Variants in COL9A1 observed in about 807,000 individuals in gnomAD.
The protein encoded by COL9A1 is collagen type IX alpha 1 chain, also known as collagen alpha-1(IX) chain.
COL9A1 carries 104 observed loss-of-function variants against 142.6 expected under a neutral mutation model. The observed-to-expected ratio is 0.73, with a 90% CI of 0.62 to 0.86. The LOEUF is 0.86. Among genes scored for constraint, COL9A1 ranks in the 40% least tolerant of loss-of-function variants. COL9A1 has a pLI of 0.00. For missense variants in COL9A1, 1,210 were observed against 1,176.6 expected (o/e 1.03, Z -0.42); for synonymous variants, 466 against 396.0 (o/e 1.18, Z -2.10).
At chr6:70,234,299 C>A (rs796466694) in intron 35 of COL9A1, among the ~76,000 whole-genome samples, 170 of 131,978 alleles carry the variant, frequency 1.3e-3, no homozygotes, top group Middle Eastern at 7.7e-3. Flanking sequence ...AAAAACAAAA[C>A]AAAACAAAAA....
intron 4 of COL9A1, among the ~76,000 whole-genome samples, chr6:70,299,677 TCTA>T (rs1193301265): frequency 6.6e-6 from 1 of 152,182 alleles, no homozygotes; most frequent in Non-Finnish European, 1.5e-5. Context: ...TTGTGAGTCT[TCTA>T]ACCACTCTGT....
At chr6:70,284,279 GA>G (rs919114176) in intron 5 of COL9A1, among the ~76,000 whole-genome samples, 41 of 149,606 alleles carry the variant, frequency 2.7e-4, no homozygotes, top group Non-Finnish European at 4.9e-4. Context: ...ATTAGAGACA[GA>G]AAAAAAAAGT....
At chr6:70,283,056 C>G (rs1188282293) in intron 6 of COL9A1, 138 bp from the exon 7 acceptor site, 8 of 1,547,182 alleles carry the variant, frequency 5.2e-6, no homozygotes, top group Non-Finnish European at 7.0e-6. Flanking sequence ...AGGCCATGCC[C>G]GCCGCCCGCC....
chr6:70,271,556 G>T, intron 14 of COL9A1, 99 bp downstream of exon 14: 1 of 1,000,276 alleles, frequency 1.0e-6, no homozygotes. Context: ...CCATGTTTTG[G>T]TTTGCAAGTG....
In COL9A1 at chr6:70,270,263, T is replaced by G. The variant is rs774831719; in HGVS notation, c.1197+51A>C. The G allele has an allele frequency of 3.2e-6, 5 of 1,569,276 alleles. No homozygotes were observed. The Admixed American group carries it at 8.4e-5, about 26-fold the overall frequency. ...TCCATTTTGGATTCTTAGATTTTTT[T>G]CAACCCTGACTCTCAGACACAAACA... On this transcript the variant is annotated intron_variant, in intron 15 of 37. Coordinates refer to ENST00000357250, the MANE Select transcript of COL9A1 (RefSeq NM_001851.6).
chr6:70,302,851 T>A (rs1179259883), intron 1 of COL9A1, 60 bp downstream of exon 1: 6 of 1,582,242 alleles, frequency 3.8e-6, no homozygotes, highest in Non-Finnish European at 5.2e-6. Flanking sequence ...ATACAGACCC[T>A]TGGTTCTGAG....
intron 20 of COL9A1, among the ~76,000 whole-genome samples, chr6:70,257,048 A>AATTTTTTTTTTTTTTTTTTTTT (rs1562307548): frequency 9.5e-6 from 1 of 105,018 alleles, no homozygotes; most frequent in African/African-American, 3.9e-5. Flanking sequence ...CCACTCTGTA[A>AATTTTTTTTTTTTTTTTTTTTT]TTTTTTTTTT....
At chr6:70,271,634 A>G (rs2127590728) in intron 14 of COL9A1, 21 bp downstream of exon 14, 1 of 1,611,262 alleles carries the variant, frequency 6.2e-7, no homozygotes, top group Non-Finnish European at 8.5e-7. Context: ...AACGTCTATC[A>G]AAGTGCACTG....
At chr6:70,270,165 C>A (rs946159661) in intron 15 of COL9A1, 149 bp downstream of exon 15, 6 of 729,150 alleles carry the variant, frequency 8.2e-6, no homozygotes, top group Admixed American at 2.1e-5. Flanking sequence ...TAAACAGAAC[C>A]ATGCCCTTGA....
chr6:70,297,895 A>G (rs1378560934), intron 4 of COL9A1, among the ~76,000 whole-genome samples: 1 of 152,230 alleles, frequency 6.6e-6, no homozygotes, highest in Non-Finnish European at 1.5e-5. Context: ...TTTCAAAAAA[A>G]AAATAGAAAA....
At chr6:70,215,528 A>T (rs1768449253), downstream of COL9A1, 1 of 152,228 alleles carries the variant, frequency 6.6e-6, no homozygotes, top group South Asian at 2.1e-4. Flanking sequence ...ATATAAAATG[A>T]ATATATTAAG....
At position 70,294,229 on chromosome 6, in the gene COL9A1, T is replaced by C. The variant is rs1207030529; in HGVS notation, c.634A>G (p.Ile212Val). ...ESLPIKPRGP[I>V]DIDGFAVLGK... ...AGCACAGCAAAGCCATCAATGTCAA[T>C]TGGGCCTCTTGGCTTTATAGGTAAA... The change falls in exon 5 of 38, where the codon ATT (isoleucine) becomes GTT (valine). Residue 212 changes from isoleucine (I) to valine (V), a missense_variant. Transcript: ENST00000357250. The C allele has an allele frequency of 2.5e-6, 4 of 1,614,100 alleles. No homozygotes were observed. Among genetic ancestry groups the C allele is most frequent in the Admixed American group, 1.7e-5 (1 of 60,016 alleles).
intron 35 of COL9A1, among the ~76,000 whole-genome samples, chr6:70,233,681 T>C (rs944719249): frequency 6.6e-6 from 1 of 152,216 alleles, no homozygotes; most frequent in African/African-American, 2.4e-5. Context: ...AAAACTAAAA[T>C]AGACTTTCAG....
chr6:70,270,074 A>G (rs1772292764), intron 15 of COL9A1, among the ~76,000 whole-genome samples: 1 of 152,228 alleles, frequency 6.6e-6, no homozygotes, highest in African/African-American at 2.4e-5. Flanking sequence ...CACAACTGTC[A>G]AAAGACTTCA....
chr6:70,253,477 T>A lies in COL9A1; in HGVS notation c.1720-48A>T, dbSNP rs375513339. On this transcript the variant is annotated intron_variant, in intron 25 of 37. Transcript: ENST00000357250. ...CTAGTTTAATCACCTCCTCTGAGAA[T>A]CCATGAGATGCCAAGCCCACTGCAC... is the stretch of plus-strand genomic sequence containing the variant. The A allele has an allele frequency of 2.2e-6, 3 of 1,363,634 alleles. No individual in the cohort carries two copies. In the African/African-American group the frequency reaches 4.3e-5, roughly 20 times the overall value. 84.5% of individuals were successfully genotyped at this position (1,363,634 alleles called of 1,614,324 possible). A position where few individuals can be genotyped will look rare whatever the true frequency, so the allele number is the denominator to read the frequency against.
At chr6:70,287,612 A>G (rs1260116776) in intron 5 of COL9A1, among the ~76,000 whole-genome samples, 1 of 149,298 alleles carries the variant, frequency 6.7e-6, no homozygotes, top group Non-Finnish European at 1.5e-5. Context: ...AAAGATGTCT[A>G]CAACTACTGT....
At chr6:70,261,761 A>C (rs1010509799) in intron 19 of COL9A1, among the ~76,000 whole-genome samples, 2 of 152,190 alleles carry the variant, frequency 1.3e-5, no homozygotes, top group Non-Finnish European at 2.9e-5. Flanking sequence ...ACTGACTCTA[A>C]AGTTATTTCT....
intron 3 of COL9A1, 32 bp downstream of exon 3, chr6:70,300,277 A>G (rs542092278): frequency 1.2e-6 from 2 of 1,606,966 alleles, no homozygotes; most frequent in African/African-American, 2.7e-5. Flanking sequence ...TATAGAAAGC[A>G]TGCATTTTCA....
At chr6:70,226,876 G>A (rs1354311287) in intron 36 of COL9A1, among the ~76,000 whole-genome samples, 2 of 152,078 alleles carry the variant, frequency 1.3e-5, no homozygotes, top group African/African-American at 2.4e-5. Context: ...ACATAAGCCA[G>A]AGTAAGCCAC....
Sources: allele counts gnomAD v4.1 joint callset (sites outside exome capture counted in the v4.1 genomes callset), GRCh38; gene constraint gnomAD v4.1.1; transcripts MANE v1.5; gene names NCBI Gene and HGNC (gene_info 2026-07-23, HGNC 2026-07-21).